The following SKAP1 variants were observed in gnomAD, a reference collection of about 807,000 sequenced individuals.
The protein encoded by SKAP1 is src kinase-associated phosphoprotein 1.
A neutral mutation model predicts 58.5 loss-of-function variants in SKAP1; 44 were observed. The observed-to-expected ratio is 0.75, with a 90% CI of 0.59 to 0.97. SKAP1 has a LOEUF of 0.97. Ranked by LOEUF, SKAP1 falls within the 50% of genes least tolerant of loss-of-function variation. SKAP1 has a pLI of 0.00. For missense variants in SKAP1, 390 were observed against 435.2 expected (o/e 0.90, Z 0.92); for synonymous variants, 127 against 149.7 (o/e 0.85, Z 1.11).
intron 10 of SKAP1, among the ~76,000 whole-genome samples, chr17:48,170,353 T>C (rs957753508): frequency 1.3e-5 from 2 of 152,202 alleles, no homozygotes; most frequent in Admixed American, 6.5e-5. Context: ...AAAATAAATG[T>C]CTGGTTTGGC....
In SKAP1 at chr17:48,217,809, G is replaced by A. The variant is rs144235162; in HGVS notation, c.281-28309C>T. The stretch of plus-strand genomic sequence containing the variant: ...ATGGATTATCAGACCATGATTTGAG[G>A]TTTGAAAAAGGATGCCAGTGCTGAC... On this transcript the variant is annotated intron_variant, in intron 4 of 12. Coordinates refer to ENST00000336915, the MANE Select transcript of SKAP1 (RefSeq NM_003726.4). 3.5e-3 allele frequency among the ~76,000 whole-genome samples: 532 copies of A among 152,260 alleles called. 3 individuals are homozygous for A. The highest frequency in any genetic ancestry group is 0.01 in the Middle Eastern group (3 of 294).
upstream of SKAP1, among the ~76,000 whole-genome samples, chr17:48,432,428 C>CA (rs200081330): frequency 0.076 from 11,261 of 149,066 alleles, 553 homozygotes; most frequent in East Asian, 0.2. Flanking sequence ...GACTCCATCT[C>CA]AAAAAAAAGA....
At chr17:48,444,486 G>T in the SKAP1 span, among the ~76,000 whole-genome samples, 1 of 152,242 alleles carries the variant, frequency 6.6e-6, no homozygotes, top group African/African-American at 2.4e-5. Flanking sequence ...CATTTTCAGA[G>T]AAGTAGAAAG....
In SKAP1 at chr17:48,180,136, T is replaced by G. The variant is rs1358000603; in HGVS notation, c.744A>C (p.Arg248Ser). Reference sequence around the variant, plus strand: ...CCACACTCCCAGGCAAGATAGTGGGTCTGCACTGGGAACCACAACTTGGGG... The same window carrying G: ...CCACACTCCCAGGCAAGATAGTGGGGCTGCACTGGGAACCACAACTTGGGG... ...FDSPSCGSQC[R>S]PTILPGSVGI... Residue 248 changes from arginine to serine, a missense_variant, in exon 9 of 13, where the codon AGA becomes AGC. Transcript: ENST00000336915. 5.0e-6 allele frequency: 8 copies of G among 1,613,998 alleles called. No homozygotes were observed. Among genetic ancestry groups the G allele is most frequent in the Non-Finnish European group, 6.8e-6 (8 of 1,179,926 alleles).
At chr17:48,402,816 C>T (rs1373742231) in intron 1 of SKAP1, among the ~76,000 whole-genome samples, 1 of 152,078 alleles carries the variant, frequency 6.6e-6, no homozygotes, top group Admixed American at 6.5e-5. Flanking sequence ...GAGCCAGTCA[C>T]AAAGGACCAC....
intron 4 of SKAP1, among the ~76,000 whole-genome samples, chr17:48,229,043 A>G (rs1439782990): frequency 6.6e-6 from 1 of 152,036 alleles, no homozygotes; most frequent in Non-Finnish European, 1.5e-5. Context: ...GTCTGGAGTG[A>G]GTCTCTGTAC....
intron 1 of SKAP1, among the ~76,000 whole-genome samples, chr17:48,406,561 A>AATTTATTT (rs147731753): frequency 6.8e-6 from 1 of 146,404 alleles, no homozygotes; most frequent in African/African-American, 2.6e-5. Context: ...ATGTCTCCCT[A>AATTTATTT]ATTTATTTAT....
At chr17:48,376,408 CAG>C (rs2067151390) in intron 2 of SKAP1, among the ~76,000 whole-genome samples, 2 of 152,126 alleles carry the variant, frequency 1.3e-5, no homozygotes, top group South Asian at 4.2e-4. Flanking sequence ...TGTACAGAAT[CAG>C]GGGCAAGTTC....
chr17:48,154,455 C>T (rs544006332), intron 11 of SKAP1, among the ~76,000 whole-genome samples: 14 of 152,230 alleles, frequency 9.2e-5, no homozygotes, highest in Admixed American at 3.3e-4. Context: ...GCTAAGCCAC[C>T]GTGTAAGTAT....
intron 11 of SKAP1, among the ~76,000 whole-genome samples, chr17:48,140,777 TC>T (rs1020016132): frequency 8.3e-6 from 1 of 119,938 alleles, no homozygotes; most frequent in African/African-American, 2.8e-5. Flanking sequence ...TTCTTCTTCT[TC>T]TTTTTTTTTT....
In SKAP1 at chr17:48,133,656, G is replaced by C. The variant is rs1369077303; in HGVS notation, c.*168C>G. On this transcript the variant is annotated 3_prime_UTR_variant, in exon 13 of 13. Transcript: ENST00000336915. ...TTGATGAACGTGCCTCTTCCCACTT[G>C]TCTTACTGGTAGCTTACAGTCACTC... 1 of 152,392 alleles carries C rather than the reference G, an allele frequency of 6.6e-6. No homozygotes were observed. Among genetic ancestry groups the C allele is most frequent in the Non-Finnish European group, 1.5e-5 (1 of 68,052 alleles). The allele number at this position is 152,392 out of a possible 1,614,324, so 9.4% of individuals were successfully genotyped here.
In SKAP1 at chr17:48,226,924, T is replaced by G. The variant is rs538152305; in HGVS notation, c.281-37424A>C. Among the ~76,000 whole-genome samples, 4 of 152,312 alleles carry G rather than the reference T, an allele frequency of 2.6e-5. No individual in the cohort carries two copies. In the South Asian group the frequency reaches 8.3e-4, roughly 32 times the overall value. ...ATGGGCAGGTTGTTGCGATTCCAAT[T>G]ACCTCTTCCTAACTCCATACCTTCC... On this transcript the variant is annotated intron_variant, in intron 4 of 12. Transcript: ENST00000336915.
At chr17:48,136,267 G>A (rs1372645665) in intron 12 of SKAP1, among the ~76,000 whole-genome samples, 4 of 151,922 alleles carry the variant, frequency 2.6e-5, no homozygotes, top group African/African-American at 7.3e-5. Context: ...TGCCTCCCGG[G>A]TTCAAGCGAT....
intron 9 of SKAP1, among the ~76,000 whole-genome samples, chr17:48,176,537 C>A (rs968306562): frequency 1.1e-4 from 16 of 152,158 alleles, no homozygotes; most frequent in African/African-American, 3.1e-4. Flanking sequence ...TAGTTCCCTG[C>A]AGTTTAATCT....
At chr17:48,277,792 A>G (rs1490383915) in intron 4 of SKAP1, among the ~76,000 whole-genome samples, 1 of 152,030 alleles carries the variant, frequency 6.6e-6, no homozygotes, top group Non-Finnish European at 1.5e-5. Flanking sequence ...TTTTGTTAAT[A>G]TGTTGCCCAG....
intron 4 of SKAP1, among the ~76,000 whole-genome samples, chr17:48,279,432 C>T (rs1432128388): frequency 1.3e-5 from 2 of 152,150 alleles, no homozygotes; most frequent in Admixed American, 1.3e-4. Context: ...CATTGATCCA[C>T]TAGACACTAA....
Position 48,363,769 on chromosome 17 carries a change from C to T in SKAP1, c.178+20G>A, listed in dbSNP as rs544257798. On this transcript the variant is annotated intron_variant, in intron 3 of 12. Coordinates refer to ENST00000336915, the MANE Select transcript of SKAP1 (RefSeq NM_003726.4). ...TACACATTTTTAGCATAAAACCATACGTGGTCAAAGAGGACTCACCTTGGG... is the reference window on the plus strand; with the variant it reads ...TACACATTTTTAGCATAAAACCATATGTGGTCAAAGAGGACTCACCTTGGG... The T allele has an allele frequency of 3.3e-5, 52 of 1,595,208 alleles. No individual in the cohort carries two copies. The Middle Eastern group carries it at 6.7e-4, about 20-fold the overall frequency.
At chr17:48,193,635 C>T (rs1377380434) in intron 4 of SKAP1, 1 of 953,252 alleles carries the variant, frequency 1.0e-6, no homozygotes, top group Admixed American at 6.2e-5. Flanking sequence ...TGGGAATCCA[C>T]AGTGGCATGC....
At chr17:48,357,631 GA>G (rs1567881374) in intron 3 of SKAP1, among the ~76,000 whole-genome samples, 1 of 151,232 alleles carries the variant, frequency 6.6e-6, no homozygotes, top group East Asian at 1.9e-4. Flanking sequence ...CTCTGTCTCA[GA>G]AAAAAAGAAA....
Sources: allele counts gnomAD v4.1 joint callset (sites outside exome capture counted in the v4.1 genomes callset), GRCh38; gene constraint gnomAD v4.1.1; transcripts MANE v1.5; gene names NCBI Gene and HGNC (gene_info 2026-07-23, HGNC 2026-07-21).